XKR6: variants seen among roughly 807,000 people sequenced by gnomAD.
XKR6 encodes XK related 6.
In XKR6, 22 loss-of-function variants were observed where a neutral mutation model predicts 56.7. That is an observed-to-expected ratio of 0.39 (90% CI 0.28 to 0.55). The LOEUF (loss-of-function observed/expected upper bound fraction) is 0.55. XKR6 is among the 20% of genes least tolerant of loss of function. The pLI is 0.66. For synonymous variants in XKR6, 524 were observed against 387.8 expected, an observed-to-expected ratio of 1.35 and a Z score of -4.13; for missense variants, 852 against 889.0, an observed-to-expected ratio of 0.96 and a Z score of 0.53.
Position 11,095,043 on chromosome 8 carries a change from A to G in XKR6, c.764+105533T>C, listed in dbSNP as rs562543265. On this transcript the variant is annotated intron_variant, in intron 1 of 2. Coordinates refer to ENST00000416569, the MANE Select transcript of XKR6 (RefSeq NM_173683.4). ...CACATGTACCTCTGAACTTAAAGTA[A>G]AAGTTGGAAAGAAAAAAAGTAGGCT... Among the ~76,000 whole-genome samples the G allele has an allele frequency of 2.0e-4, 30 of 152,288 alleles. 1 individual carries two copies. The South Asian group carries it at 5.6e-3, about 28-fold the overall frequency.
At chr8:11,105,182 C>G (rs950081574) in intron 1 of XKR6, 5 of 152,044 alleles carry the variant, frequency 3.3e-5, no homozygotes, top group African/African-American at 1.2e-4. Flanking sequence ...TGCACGGTTC[C>G]AAGAAATAGC....
chr8:11,099,733 A>G (rs2409698), intron 1 of XKR6, among the ~76,000 whole-genome samples: 88,008 of 152,168 alleles, frequency 0.58, 28,754 homozygotes, highest in African/African-American at 0.87. Flanking sequence ...GCCACCAACA[A>G]AACAAAGCCC....
At chr8:10,995,568 G>A (rs553279485) in intron 1 of XKR6, among the ~76,000 whole-genome samples, 2 of 150,446 alleles carry the variant, frequency 1.3e-5, no homozygotes, top group South Asian at 2.1e-4. Flanking sequence ...CACGCCTGTG[G>A]TCCCAGCTAC....
intron 1 of XKR6, among the ~76,000 whole-genome samples, chr8:11,006,793 G>A (rs571330533): frequency 2.0e-5 from 3 of 152,344 alleles, no homozygotes; most frequent in Non-Finnish European, 4.4e-5. Flanking sequence ...TGGATATGGA[G>A]TTCCCTGTGG....
At chr8:11,032,700 G>A (rs758284382) in intron 1 of XKR6, among the ~76,000 whole-genome samples, 1 of 152,170 alleles carries the variant, frequency 6.6e-6, no homozygotes, top group African/African-American at 2.4e-5. Flanking sequence ...CTCAGGAGCT[G>A]GGGCCATTGC....
chr8:11,137,930 G>A (rs971232082), intron 1 of XKR6: 4 of 355,484 alleles, frequency 1.1e-5, no homozygotes, highest in African/African-American at 6.4e-5. Context: ...GACACAACTC[G>A]ACCTTGATCA....
intron 1 of XKR6, among the ~76,000 whole-genome samples, chr8:11,188,850 G>A (rs906367892): frequency 6.6e-6 from 1 of 152,156 alleles, no homozygotes; most frequent in Non-Finnish European, 1.5e-5. Context: ...TTCTGGCCCT[G>A]AGCTTCTCCG....
chr8:11,192,107 CAA>C (rs1803611787), intron 1 of XKR6, among the ~76,000 whole-genome samples: 2 of 151,970 alleles, frequency 1.3e-5, no homozygotes, highest in African/African-American at 4.8e-5. Context: ...TGATTGAGGC[CAA>C]GAGTTCAAAA....
chr8:11,164,526 G>A (rs1052119634), intron 1 of XKR6, among the ~76,000 whole-genome samples: 1 of 152,188 alleles, frequency 6.6e-6, no homozygotes, highest in East Asian at 1.9e-4. Context: ...AAATTCAAGA[G>A]GTTCTTGTTT....
At chr8:10,901,689 A>G (rs1390496547) in intron 2 of XKR6, among the ~76,000 whole-genome samples, 1 of 152,134 alleles carries the variant, frequency 6.6e-6, no homozygotes, top group Non-Finnish European at 1.5e-5. Flanking sequence ...TGTTCCTTCT[A>G]ATAAAGCAAA....
intron 1 of XKR6, among the ~76,000 whole-genome samples, chr8:10,981,519 T>C (rs1367950211): frequency 1.3e-5 from 2 of 152,156 alleles, no homozygotes; most frequent in African/African-American, 2.4e-5. Context: ...AACAAAGACA[T>C]TGGAAAGAAG....
At chr8:11,151,958 G>A (rs1378509917) in intron 1 of XKR6, among the ~76,000 whole-genome samples, 2 of 152,122 alleles carry the variant, frequency 1.3e-5, no homozygotes, top group African/African-American at 4.8e-5. Flanking sequence ...ATATTAAACT[G>A]AAGACTGAAT....
intron 1 of XKR6, among the ~76,000 whole-genome samples, chr8:11,050,046 G>C (rs951579498): frequency 6.6e-6 from 1 of 152,128 alleles, no homozygotes; most frequent in African/African-American, 2.4e-5. Context: ...CCCTGGCCTT[G>C]AGCAACACGC....
chr8:11,184,052 T>G (rs1270174061), intron 1 of XKR6, among the ~76,000 whole-genome samples: 1 of 152,198 alleles, frequency 6.6e-6, no homozygotes, highest in Non-Finnish European at 1.5e-5. Flanking sequence ...CGAAAAGTGT[T>G]AAAACTCTAT....
At chr8:10,974,070 T>C (rs146123725) in intron 1 of XKR6, among the ~76,000 whole-genome samples, 62 of 152,326 alleles carry the variant, frequency 4.1e-4, no homozygotes, top group African/African-American at 1.3e-3. Context: ...AGTTCAAATA[T>C]GTATTTTTCC....
In XKR6 at chr8:11,093,200, C is replaced by T. The variant is rs911262392; in HGVS notation, c.764+107376G>A. The stretch of plus-strand genomic sequence containing the variant: ...CCTCCCAATTAGCTGGGAACACAGG[C>T]GTGTGCCACCATGCCCGGCTAATTT... On this transcript the variant is annotated intron_variant, in intron 1 of 2. Coordinates refer to ENST00000416569, the MANE Select transcript of XKR6 (RefSeq NM_173683.4). 4.6e-5 allele frequency among the ~76,000 whole-genome samples: 7 copies of T among 152,050 alleles called. No individual in the cohort carries two copies. The East Asian group carries it at 5.8e-4, about 13-fold the overall frequency.
chr8:11,075,777 G>T (rs555210454), intron 1 of XKR6, among the ~76,000 whole-genome samples: 60 of 152,262 alleles, frequency 3.9e-4, no homozygotes, highest in Admixed American at 3.0e-3. Context: ...TGAGGCTGAG[G>T]CAGGAGAATC....
chr8:10,978,140 C>T (rs533494937), intron 1 of XKR6, among the ~76,000 whole-genome samples: 1 of 152,266 alleles, frequency 6.6e-6, no homozygotes, highest in African/African-American at 2.4e-5. Flanking sequence ...TCAATGAGGG[C>T]CTAGCCCCAC....
chr8:11,052,806 C>G (rs1799587178), intron 1 of XKR6, among the ~76,000 whole-genome samples: 1 of 151,596 alleles, frequency 6.6e-6, no homozygotes, highest in South Asian at 2.1e-4. Flanking sequence ...CTCTAGAGGG[C>G]TCGTTAGGAT....
Sources: gnomAD v4.1 joint callset for allele counts (sites outside exome capture counted in the v4.1 genomes callset) on GRCh38, gnomAD v4.1.1 for gene constraint, MANE v1.5 for transcripts, NCBI Gene and HGNC (gene_info 2026-07-23, HGNC 2026-07-21) for gene names.